Variants in CHCHD6 observed in about 807,000 individuals in gnomAD.
CHCHD6 encodes MICOS complex subunit MIC25.
CHCHD6 carries 28 observed loss-of-function variants against 32.3 expected under a neutral mutation model. The observed-to-expected ratio is 0.87, with a 90% CI of 0.64 to 1.19. CHCHD6 has a LOEUF of 1.19. CHCHD6 is among the 50% of genes most tolerant of loss of function. The pLI is 0.00. For synonymous variants in CHCHD6, 122 were observed against 117.5 expected (o/e 1.04, Z -0.25); for missense variants, 333 against 307.0 (o/e 1.08, Z -0.63).
intron 5 of CHCHD6, among the ~76,000 whole-genome samples, chr3:126,869,309 TTG>T (rs2077433265): frequency 6.6e-6 from 1 of 150,834 alleles, no homozygotes; most frequent in East Asian, 1.9e-4. Flanking sequence ...TTTTTTTTTT[TTG>T]ATGACTGTGA....
At chr3:126,808,532 A>C (rs1321357506) in intron 4 of CHCHD6, among the ~76,000 whole-genome samples, 1 of 152,210 alleles carries the variant, frequency 6.6e-6, no homozygotes, top group Non-Finnish European at 1.5e-5. Flanking sequence ...GTTTCTTGCC[A>C]TGAGCTTTAT....
At chr3:126,860,325 C>T (rs1232113272) in intron 5 of CHCHD6, among the ~76,000 whole-genome samples, 1 of 152,040 alleles carries the variant, frequency 6.6e-6, no homozygotes, top group Non-Finnish European at 1.5e-5. Flanking sequence ...GCCCAAGGGA[C>T]TTTTGAAGAG....
chr3:126,785,262 C>A (rs1938140249), intron 4 of CHCHD6, among the ~76,000 whole-genome samples: 1 of 152,148 alleles, frequency 6.6e-6, no homozygotes, highest in Admixed American at 6.5e-5. Flanking sequence ...CTAGGTGTGC[C>A]AACCAAAACA....
intron 4 of CHCHD6, among the ~76,000 whole-genome samples, chr3:126,763,362 T>C (rs993707552): frequency 2.0e-5 from 3 of 146,912 alleles, no homozygotes; most frequent in Non-Finnish European, 4.5e-5. Context: ...GGTTGTGCTC[T>C]GTTGTCCAGG....
intron 5 of CHCHD6, among the ~76,000 whole-genome samples, chr3:126,896,341 G>A (rs1285728410): frequency 6.6e-6 from 1 of 152,150 alleles, no homozygotes; most frequent in African/African-American, 2.4e-5. Context: ...TTAGATTGGG[G>A]TAGTCTTCTC....
At chr3:126,839,708 C>A (rs1190045389) in intron 4 of CHCHD6, among the ~76,000 whole-genome samples, 2 of 152,158 alleles carry the variant, frequency 1.3e-5, no homozygotes, top group African/African-American at 4.8e-5. Flanking sequence ...TCACTGGTCT[C>A]CCCACCTCAG....
chr3:126,734,388 TAC>T (rs1446055496), intron 4 of CHCHD6, among the ~76,000 whole-genome samples: 3 of 152,222 alleles, frequency 2.0e-5, no homozygotes, highest in African/African-American at 7.2e-5. Flanking sequence ...GGTAGCCTCG[TAC>T]ACACGGTGCT....
At chr3:126,787,869 A>G (rs917019553) in intron 4 of CHCHD6, among the ~76,000 whole-genome samples, 7 of 152,174 alleles carry the variant, frequency 4.6e-5, no homozygotes, top group Admixed American at 4.6e-4. Context: ...TATGTTGAAT[A>G]GGAGTGGTGA....
chr3:126,884,819 C>T (rs1486109969), intron 5 of CHCHD6, among the ~76,000 whole-genome samples: 1 of 152,200 alleles, frequency 6.6e-6, no homozygotes, highest in Non-Finnish European at 1.5e-5. Flanking sequence ...CTACTGTCAT[C>T]CCACATTTTG....
chr3:126,862,338 C>T (rs892171888), intron 5 of CHCHD6, among the ~76,000 whole-genome samples: 1 of 141,332 alleles, frequency 7.1e-6, no homozygotes, highest in African/African-American at 2.7e-5. Flanking sequence ...CCACCATCAC[C>T]TCCTCCTCCC....
At chr3:126,880,185 C>T (rs1430781987) in intron 5 of CHCHD6, among the ~76,000 whole-genome samples, 2 of 152,146 alleles carry the variant, frequency 1.3e-5, no homozygotes, top group Non-Finnish European at 1.5e-5. Context: ...GACAGTGCCC[C>T]TTTCAGTGAT....
chr3:126,781,664 G>T (rs1054080590), intron 4 of CHCHD6, among the ~76,000 whole-genome samples: 6 of 152,230 alleles, frequency 3.9e-5, no homozygotes, highest in African/African-American at 1.4e-4. Context: ...TGGCAGCCCT[G>T]CTTTCAGAGC....
chr3:126,740,752 G>A (rs1281576951), intron 4 of CHCHD6, among the ~76,000 whole-genome samples: 1 of 152,206 alleles, frequency 6.6e-6, no homozygotes, highest in East Asian at 1.9e-4. Flanking sequence ...ACACTGTGAG[G>A]CCTCCTGGGT....
At chr3:126,711,154 TAA>T (rs1004423957) in intron 1 of CHCHD6, among the ~76,000 whole-genome samples, 14 of 152,220 alleles carry the variant, frequency 9.2e-5, no homozygotes, top group African/African-American at 3.4e-4. Context: ...TTATAAGCTC[TAA>T]GAGGGCAAAT....
chr3:126,775,120 C>T (rs1472421510), intron 4 of CHCHD6, among the ~76,000 whole-genome samples: 1 of 152,192 alleles, frequency 6.6e-6, no homozygotes, highest in Non-Finnish European at 1.5e-5. Context: ...AGTGAATCTA[C>T]TCTTGCAGTG....
chr3:126,745,378 A>G (rs1265846031), intron 4 of CHCHD6, among the ~76,000 whole-genome samples: 2 of 152,134 alleles, frequency 1.3e-5, no homozygotes, highest in African/African-American at 4.8e-5. Context: ...CACATGTCAA[A>G]TGGCACACCT....
At chr3:126,937,559 C>T (rs1559932708) in intron 6 of CHCHD6, among the ~76,000 whole-genome samples, 1 of 152,158 alleles carries the variant, frequency 6.6e-6, no homozygotes, top group Non-Finnish European at 1.5e-5. Flanking sequence ...CTGCTTAAGC[C>T]TCAGGGTCTT....
Position 126,940,418 on chromosome 3 carries a change from G to T in CHCHD6, c.567-16998G>T, listed in dbSNP as rs114370715. On this transcript the variant is annotated intron_variant, in intron 6 of 7. Transcript: ENST00000290913. ...TAATTATCCTATTATTCTTGTATATGGTTATACCAGAATTTATGTAACCAA... is the reference window on the plus strand; with the variant it reads ...TAATTATCCTATTATTCTTGTATATTGTTATACCAGAATTTATGTAACCAA... Among the ~76,000 whole-genome samples the T allele has an allele frequency of 9.9e-3, 1,509 of 152,218 alleles. 27 individuals are homozygous for T. The highest frequency in any genetic ancestry group is 0.034 in the African/African-American group (1,420 of 41,530).
intron 6 of CHCHD6, among the ~76,000 whole-genome samples, chr3:126,938,631 A>G (rs1306997619): frequency 3.9e-5 from 6 of 152,234 alleles, no homozygotes; most frequent in Non-Finnish European, 8.8e-5. Flanking sequence ...CTCTCATAAC[A>G]GAGAAAGTCC....
Sources: gnomAD v4.1 joint callset for allele counts (sites outside exome capture counted in the v4.1 genomes callset) on GRCh38, gnomAD v4.1.1 for gene constraint, MANE v1.5 for transcripts, NCBI Gene and HGNC (gene_info 2026-07-23, HGNC 2026-07-21) for gene names.